STK32A: variants seen among roughly 807,000 people sequenced by gnomAD.
STK32A encodes the protein serine/threonine-protein kinase 32A.
STK32A carries 41 observed loss-of-function variants against 53.2 expected under a neutral mutation model. The observed-to-expected ratio is 0.77, with a 90% CI of 0.60 to 1.00. The LOEUF is 1.00. STK32A is among the 50% of genes least tolerant of loss of function. The pLI is 0.00. For synonymous variants in STK32A, 166 were observed against 162.8 expected (o/e 1.02, Z -0.15); for missense variants, 458 against 485.8 (o/e 0.94, Z 0.54).
chr5:147,315,275 A>T (rs1753937309), intron 4 of STK32A, among the ~76,000 whole-genome samples: 1 of 152,244 alleles, frequency 6.6e-6, no homozygotes, highest in Non-Finnish European at 1.5e-5. Context: ...CTTGCACACC[A>T]GTGTTCACAG....
chr5:147,277,362 A>G (rs1751803326), intron 2 of STK32A, among the ~76,000 whole-genome samples: 1 of 152,096 alleles, frequency 6.6e-6, no homozygotes, highest in South Asian at 2.1e-4. Context: ...ACGAGCATTG[A>G]CTCAAAAAAC....
chr5:147,247,277 T>C (rs551544254), intron 2 of STK32A, among the ~76,000 whole-genome samples: 1 of 152,340 alleles, frequency 6.6e-6, no homozygotes, highest in Non-Finnish European at 1.5e-5. Context: ...CCATGAAATA[T>C]ACACGGATTT....
intron 8 of STK32A, among the ~76,000 whole-genome samples, chr5:147,364,882 T>A (rs1441179199): frequency 2.0e-5 from 3 of 152,178 alleles, no homozygotes; most frequent in Non-Finnish European, 2.9e-5. Flanking sequence ...ATTCAGTCTG[T>A]AACAGGTTGT....
At chr5:147,272,056 G>A (rs7729869) in intron 2 of STK32A, among the ~76,000 whole-genome samples, 89,434 of 151,912 alleles carry the variant, frequency 0.59, 26,697 homozygotes, top group African/African-American at 0.67. Context: ...TGTCTCCCCC[G>A]GATGTCCAGC....
chr5:147,274,274 G>A (rs1247310341), intron 2 of STK32A, among the ~76,000 whole-genome samples: 10 of 152,072 alleles, frequency 6.6e-5, no homozygotes, highest in Admixed American at 6.6e-5. Context: ...TTTCTTGCAG[G>A]CCACATACCC....
At chr5:147,299,550 G>T (rs191090800) in intron 4 of STK32A, among the ~76,000 whole-genome samples, 31 of 152,252 alleles carry the variant, frequency 2.0e-4, no homozygotes, top group Non-Finnish European at 3.7e-4. Context: ...CAATTGTCAC[G>T]AACTTGAGGG....
At chr5:147,241,682 A>G (rs1318358650) in intron 2 of STK32A, among the ~76,000 whole-genome samples, 2 of 152,154 alleles carry the variant, frequency 1.3e-5, no homozygotes, top group African/African-American at 4.8e-5. Flanking sequence ...CCTTGCTTTA[A>G]CTTATCAAAT....
chr5:147,308,525 C>A (rs1439745312), intron 4 of STK32A, among the ~76,000 whole-genome samples: 7 of 152,072 alleles, frequency 4.6e-5, no homozygotes, highest in Admixed American at 4.6e-4. Context: ...TCAATCTTGC[C>A]TTTTCTTTCC....
At chr5:147,345,230 G>GA (rs964841962) in intron 6 of STK32A, among the ~76,000 whole-genome samples, 8 of 151,824 alleles carry the variant, frequency 5.3e-5, no homozygotes, top group East Asian at 1.9e-4. Context: ...TACTTACTTA[G>GA]AAAAAAAATC....
At chr5:147,390,553 CATATA>C (rs1455080078), downstream of STK32A, among the ~76,000 whole-genome samples, 3 of 150,704 alleles carry the variant, frequency 2.0e-5, no homozygotes, top group Non-Finnish European at 2.9e-5. Context: ...TCCCAAATGG[CATATA>C]ATACTAAATT....
chr5:147,362,081 C>A (rs1049074946), intron 8 of STK32A, among the ~76,000 whole-genome samples: 8 of 152,144 alleles, frequency 5.3e-5, no homozygotes, highest in Non-Finnish European at 1.2e-4. Context: ...AAATTAGAGT[C>A]ATTTCCTTTT....
chr5:147,311,537 T>A (rs111820981), intron 4 of STK32A, among the ~76,000 whole-genome samples: 8 of 152,164 alleles, frequency 5.3e-5, no homozygotes, highest in African/African-American at 1.9e-4. Context: ...TATAATGCAA[T>A]GCAGCCATCT....
At chr5:147,362,448 C>T (rs1403204524) in intron 8 of STK32A, among the ~76,000 whole-genome samples, 7 of 152,184 alleles carry the variant, frequency 4.6e-5, no homozygotes, top group South Asian at 2.1e-4. Context: ...AATCCCATCA[C>T]GAGGGACCTA....
intron 5 of STK32A, among the ~76,000 whole-genome samples, chr5:147,327,300 G>A (rs566110548): frequency 2.0e-5 from 3 of 152,080 alleles, no homozygotes; most frequent in Admixed American, 6.6e-5. Context: ...GAATCAGCCC[G>A]ATTCATGTTG....
chr5:147,348,120 T>G (rs560649913), intron 6 of STK32A, among the ~76,000 whole-genome samples: 1 of 152,288 alleles, frequency 6.6e-6, no homozygotes, highest in African/African-American at 2.4e-5. Flanking sequence ...AGGTCTTAAC[T>G]CCAGCTCTGT....
At chr5:147,378,270 G>T (rs946358373) in intron 11 of STK32A, among the ~76,000 whole-genome samples, 1 of 152,126 alleles carries the variant, frequency 6.6e-6, no homozygotes, top group Non-Finnish European at 1.5e-5. Flanking sequence ...ATTTGATCTG[G>T]TTCCTCCAGA....
chr5:147,346,431 A>C (rs1011080039), intron 6 of STK32A, among the ~76,000 whole-genome samples: 27 of 152,216 alleles, frequency 1.8e-4, no homozygotes, highest in African/African-American at 6.5e-4. Context: ...AACACGATTC[A>C]GTAACAGGCA....
chr5:147,324,158 T>C, intron 5 of STK32A, 87 bp downstream of exon 5: 1 of 1,280,856 alleles, frequency 7.8e-7, no homozygotes, highest in Non-Finnish European at 1.1e-6. Flanking sequence ...TTATTGAACA[T>C]GACATTTAAT....
Position 147,386,253 on chromosome 5 carries a change from G to A in STK32A, c.*2270G>A, listed in dbSNP as rs1757639287. On this transcript the variant is annotated 3_prime_UTR_variant, in exon 13 of 13. Transcript: ENST00000397936. ...GCCCTGACTCGATTTCAGAGAAGGG[G>A]ATGTGTTGGAAAGAGCAAGAATAAG... is the stretch of plus-strand genomic sequence containing the variant. 6.6e-6 allele frequency: 1 copy of A among 152,184 alleles called. No homozygotes were observed. Among genetic ancestry groups the A allele is most frequent in the Non-Finnish European group, 1.5e-5 (1 of 68,024 alleles). The allele number at this position is 152,184 out of a possible 1,614,324, so 9.4% of individuals were successfully genotyped here.
Sources: gnomAD v4.1 joint callset for allele counts (sites outside exome capture counted in the v4.1 genomes callset) on GRCh38, gnomAD v4.1.1 for gene constraint, MANE v1.5 for transcripts, NCBI Gene and HGNC (gene_info 2026-07-23, HGNC 2026-07-21) for gene names.